Variants in TLK1 observed in about 807,000 individuals in gnomAD.
The protein encoded by TLK1 is serine/threonine-protein kinase tousled-like 1.
TLK1 carries 24 observed loss-of-function variants against 105.3 expected under a neutral mutation model. The observed-to-expected ratio is 0.23, with a 90% CI of 0.17 to 0.32. TLK1 has a LOEUF of 0.32. TLK1 is among the 10% of genes least tolerant of loss of function. TLK1 has a pLI of 1.00. For missense variants in TLK1, 558 were observed against 910.5 expected, an observed-to-expected ratio of 0.61 and a Z score of 4.98; for synonymous variants, 321 against 310.4, an observed-to-expected ratio of 1.03 and a Z score of -0.36.
chr2:171,105,544 A>C (rs538393198), intron 2 of TLK1, among the ~76,000 whole-genome samples: 51 of 152,040 alleles, frequency 3.4e-4, no homozygotes, highest in Non-Finnish European at 4.6e-4. Context: ...AAATTAGATG[A>C]GTGTGGTGGC....
rs552170536 is a variant in TLK1, at chr2:171,071,149, G to A, written c.331-9993C>T. 1.4e-3 allele frequency among the ~76,000 whole-genome samples: 220 copies of A among 152,236 alleles called. 2 individuals are homozygous for A. Among genetic ancestry groups the A allele is most frequent in the South Asian group, 5.4e-3 (26 of 4,824 alleles). On this transcript the variant is annotated intron_variant, in intron 3 of 20. Transcript: ENST00000431350. ...TATGTTTTCCTACAGAGTTGTTTGA[G>A]CTCCTCATATATTCTAGTTATTTAT...
At chr2:171,171,813 C>T (rs917937773) in intron 1 of TLK1, among the ~76,000 whole-genome samples, 1 of 152,112 alleles carries the variant, frequency 6.6e-6, no homozygotes, top group African/African-American at 2.4e-5. Flanking sequence ...ATATGTGCAA[C>T]ACTGGGAACT....
chr2:171,015,474 CACTT>C lies in TLK1; in HGVS notation c.1237-530_1237-527del, dbSNP rs1238270038. 4.3e-5 allele frequency among the ~76,000 whole-genome samples: 6 copies of C among 140,164 alleles called. No homozygotes were observed. In the South Asian group the frequency reaches 7.0e-4, roughly 16 times the overall value. The allele number at this position is 140,164 out of a possible 152,430, so 92.0% of individuals were successfully genotyped here. A position where few individuals can be genotyped will look rare whatever the true frequency, so the allele number is the denominator to read the frequency against. ...CACACACACACACAAACTGACCACTCACTTGCAATCCTAAAGATACATTACAACA... is the reference window on the plus strand; with the variant it reads ...CACACACACACACAAACTGACCACTCGCAATCCTAAAGATACATTACAACA... On this transcript the variant is annotated intron_variant, in intron 12 of 20. Transcript: ENST00000431350.
In TLK1 at chr2:171,055,155, A is replaced by C. The variant is rs923687350; in HGVS notation, c.567T>G (p.Pro189=). 6.8e-7 allele frequency: 1 copy of C among 1,476,806 alleles called. No homozygotes were observed. Among genetic ancestry groups the C allele is most frequent in the African/African-American group, 1.5e-5 (1 of 67,404 alleles). The allele number at this position is 1,476,806 out of a possible 1,614,324, so 91.5% of individuals were successfully genotyped here. ...TPSSSVRPNS[P]SPTALAFGDH... ...CCCCAAATGCTAATGCAGTAGGAGAAGGGCTATTCGGTCGAACCTAAAGAA... is the reference window on the plus strand; with the variant it reads ...CCCCAAATGCTAATGCAGTAGGAGACGGGCTATTCGGTCGAACCTAAAGAA... Residue 189 remains proline, a synonymous_variant, in exon 7 of 21, where the codon CCT becomes CCG. Coordinates refer to ENST00000431350, the MANE Select transcript of TLK1 (RefSeq NM_012290.5).
chr2:171,219,984 C>G (rs984742050), intron 1 of TLK1, among the ~76,000 whole-genome samples: 1 of 152,098 alleles, frequency 6.6e-6, no homozygotes, highest in African/African-American at 2.4e-5. Context: ...GTCTCTAGCT[C>G]CCAACATTAT....
intron 1 of TLK1, among the ~76,000 whole-genome samples, chr2:171,150,421 G>A (rs1691986403): frequency 6.6e-6 from 1 of 152,132 alleles, no homozygotes; most frequent in Non-Finnish European, 1.5e-5. Flanking sequence ...CCCTTCCTCA[G>A]GAAAACTACA....
chr2:171,187,125 C>T (rs1447502506), intron 1 of TLK1, among the ~76,000 whole-genome samples: 1 of 148,994 alleles, frequency 6.7e-6, no homozygotes, highest in Non-Finnish European at 1.5e-5. Context: ...TCTTTAAATC[C>T]AGGCACTTCT....
rs142339526 is a variant in TLK1 at position 171,188,622 on chromosome 2, C to T, written c.-6+42523G>A. ...TTGGGAGGCTGAGGCAGGAGAATCA[C>T]GTGAACCTGGGGAGGCAGAGGTTGC... is the stretch of plus-strand genomic sequence containing the variant. On this transcript the variant is annotated intron_variant, in intron 1 of 20. Transcript: ENST00000521943. Among the ~76,000 whole-genome samples the T allele has an allele frequency of 1.5e-3, 219 of 150,056 alleles. 4 individuals carry two copies. The East Asian group carries it at 0.039, about 27-fold the overall frequency.
In TLK1 at chr2:171,117,763, C is replaced by T. The variant is rs1330824220; in HGVS notation, c.234G>A (p.Thr78=). 4.3e-6 allele frequency: 7 copies of T among 1,613,520 alleles called. No individual in the cohort carries two copies. Among genetic ancestry groups the T allele is most frequent in the African/African-American group, 1.3e-5 (1 of 74,824 alleles). ...CTTTAGCTCCAACACTGCAACTGCC[C>T]GTACTTCCAGTGCTCCCACTTGCAA... ...TGVASGSTGS[T]GSCSVGAKAS... Residue 78 remains threonine (T), a synonymous_variant, in exon 2 of 21, where the codon ACG becomes ACA. Coordinates refer to ENST00000431350, the MANE Select transcript of TLK1 (RefSeq NM_012290.5).
At chr2:170,998,034 CTCTATCTATCTTTATCTA>C (rs1489233496) in intron 18 of TLK1, among the ~76,000 whole-genome samples, 19 of 150,158 alleles carry the variant, frequency 1.3e-4, no homozygotes, top group African/African-American at 4.7e-4. Context: ...TAAAGTTCAT[CTCTATCTATCTTTATCTA>C]TCTATCTATC....
intron 1 of TLK1, among the ~76,000 whole-genome samples, chr2:171,197,545 G>A (rs752934599): frequency 6.6e-6 from 1 of 152,188 alleles, no homozygotes; most frequent in Non-Finnish European, 1.5e-5. Context: ...ATGAGAGGCG[G>A]AGGTGGGCAG....
At chr2:171,152,272 T>G (rs1692072925) in intron 1 of TLK1, among the ~76,000 whole-genome samples, 1 of 152,244 alleles carries the variant, frequency 6.6e-6, no homozygotes, top group African/African-American at 2.4e-5. Context: ...GGCTAATGAA[T>G]CTATGTAGAA....
chr2:171,186,411 G>A (rs1034122995), intron 1 of TLK1, among the ~76,000 whole-genome samples: 10 of 152,142 alleles, frequency 6.6e-5, no homozygotes, highest in African/African-American at 2.4e-4. Context: ...GGATGTTTGG[G>A]GAAATTTTCG....
chr2:171,053,506 G>T (rs531483708), intron 8 of TLK1, among the ~76,000 whole-genome samples: 1 of 152,022 alleles, frequency 6.6e-6, no homozygotes, highest in African/African-American at 2.4e-5. Flanking sequence ...GGCACTACAG[G>T]CACGCACCAC....
intron 12 of TLK1, among the ~76,000 whole-genome samples, chr2:171,015,736 C>CACACACACACACA: frequency 1.4e-5 from 2 of 141,396 alleles, no homozygotes; most frequent in Admixed American, 7.1e-5. Context: ...CACACACCCA[C>CACACACACACACA]CCCTTTTTTG....
At chr2:171,125,702 T>G (rs985832872) in intron 1 of TLK1, among the ~76,000 whole-genome samples, 5 of 152,190 alleles carry the variant, frequency 3.3e-5, no homozygotes, top group Admixed American at 3.3e-4. Context: ...AATTCAAATT[T>G]CACATGTCAC....
chr2:171,057,138 A>C (rs1029659785), intron 5 of TLK1, among the ~76,000 whole-genome samples: 1 of 152,104 alleles, frequency 6.6e-6, no homozygotes, highest in Non-Finnish European at 1.5e-5. Flanking sequence ...TATGAAGAGA[A>C]GCCAACTGAT....
intron 3 of TLK1, among the ~76,000 whole-genome samples, chr2:171,076,126 G>A (rs1688491769): frequency 6.6e-6 from 1 of 152,026 alleles, no homozygotes; most frequent in Non-Finnish European, 1.5e-5. Context: ...GCTGAAGGAG[G>A]AGACTCGCTT....
intron 18 of TLK1, among the ~76,000 whole-genome samples, chr2:170,999,416 T>C (rs1684249831): frequency 6.6e-6 from 1 of 152,150 alleles, no homozygotes. Flanking sequence ...TTTACGCAGG[T>C]GTCTATGTGT....
Sources: gnomAD v4.1 joint callset for allele counts (sites outside exome capture counted in the v4.1 genomes callset) on GRCh38, gnomAD v4.1.1 for gene constraint, MANE v1.5 for transcripts, NCBI Gene and HGNC (gene_info 2026-07-23, HGNC 2026-07-21) for gene names.